Variants in PPP1R2B observed in about 807,000 individuals in gnomAD.
PPP1R2B encodes the protein PPP1R2 family member B, also known as protein phosphatase inhibitor 2 family member B.
In PPP1R2B, 13 loss-of-function variants were observed where a neutral mutation model predicts 17.6. That is an observed-to-expected ratio of 0.74 (90% CI 0.48 to 1.17). PPP1R2B has a LOEUF of 1.17. PPP1R2B is among the 50% of genes most tolerant of loss of function. The pLI, the probability that PPP1R2B is intolerant of heterozygous loss-of-function variation, is 0.00. For synonymous variants in PPP1R2B, 105 were observed against 95.4 expected (o/e 1.10, Z -0.59); for missense variants, 230 against 252.4 (o/e 0.91, Z 0.60).
rs1186844792 is a variant in PPP1R2B at position 156,851,979 on chromosome 5, CCTG to C, written c.*802_*804del. On this transcript the variant is annotated 3_prime_UTR_variant, in exon 1 of 1. Coordinates refer to ENST00000522232, the MANE Select transcript of PPP1R2B (RefSeq NM_206858.3). ...TCCCTTTAAATACCTGTCTTAACCT[CCTG>C]CTTTTATTTCCTACTCCTTTCCACA... 6.6e-6 allele frequency: 1 copy of C among 152,464 alleles called. No homozygotes were observed. The highest frequency in any genetic ancestry group is 1.9e-4 in the East Asian group (1 of 5,194). 9.4% of individuals were successfully genotyped at this position (152,464 alleles called of 1,614,324 possible). A position where few individuals can be genotyped will look rare whatever the true frequency, so the allele number is the denominator to read the frequency against.
chr5:156,850,394 G>A lies in PPP1R2B; in HGVS notation c.-169G>A, dbSNP rs1307903899. ...CCCATTCGGCGTTGGCTCTGGCGTC[G>A]GGGTCGTTGTGACAACCGCTCCAGT... On this transcript the variant is annotated 5_prime_UTR_variant, in exon 1 of 1. Transcript: ENST00000522232. 5 of 780,676 alleles carry A rather than the reference G, an allele frequency of 6.4e-6. No homozygotes were observed. Among genetic ancestry groups the A allele is most frequent in the Non-Finnish European group, 1.0e-5 (5 of 497,264 alleles). The allele number at this position is 780,676 out of a possible 1,614,324, so 48.4% of individuals were successfully genotyped here.
In PPP1R2B at chr5:156,850,472, G is replaced by C. The variant is rs898821568; in HGVS notation, c.-91G>C. The stretch of plus-strand genomic sequence containing the variant: ...CGCTTTAGCCCTGAGCGGGCTCTGC[G>C]GCTGCCTGCGAGTCTCTGCTGTGCC... On this transcript the variant is annotated 5_prime_UTR_variant, in exon 1 of 1. Coordinates refer to ENST00000522232, the MANE Select transcript of PPP1R2B (RefSeq NM_206858.3). 2 of 1,475,640 alleles carry C rather than the reference G, an allele frequency of 1.4e-6. No individual in the cohort carries two copies. Among genetic ancestry groups the C allele is most frequent in the East Asian group, 4.9e-5 (2 of 40,496 alleles). The allele number at this position is 1,475,640 out of a possible 1,614,324, so 91.4% of individuals were successfully genotyped here. A position where few individuals can be genotyped will look rare whatever the true frequency, so the allele number is the denominator to read the frequency against.
rs540801993 is a variant in PPP1R2B at position 156,850,376 on chromosome 5, G to A, written c.-187G>A. ...GTGCGCGAGGAGCCGCCACCCATTCGGCGTTGGCTCTGGCGTCGGGGTCGT... is the reference window on the plus strand; with the variant it reads ...GTGCGCGAGGAGCCGCCACCCATTCAGCGTTGGCTCTGGCGTCGGGGTCGT... On this transcript the variant is annotated 5_prime_UTR_variant, in exon 1 of 1. Coordinates refer to ENST00000522232, the MANE Select transcript of PPP1R2B (RefSeq NM_206858.3). 1.1e-4 allele frequency among the ~76,000 whole-genome samples: 17 copies of A among 152,032 alleles called. No individual in the cohort carries two copies. The East Asian group carries it at 3.1e-3, about 28-fold the overall frequency.
Position 156,850,798 on chromosome 5 carries a change from T to G in PPP1R2B, c.236T>G (p.Met79Arg). 1 of 1,500,640 alleles carries G rather than the reference T, an allele frequency of 6.7e-7. No homozygotes were observed. 93.0% of individuals were successfully genotyped at this position (1,500,640 alleles called of 1,614,324 possible). A position where few individuals can be genotyped will look rare whatever the true frequency, so the allele number is the denominator to read the frequency against. Residue 79 changes from methionine (M) to arginine (R), a missense_variant, in exon 1 of 1, where the codon ATG becomes AGG. By Grantham distance (91) the Met-to-Arg change is moderately conservative. Transcript: ENST00000522232. ...CCAAGCCCTCCTTACCATAGTATGA[T>G]GGGTGATGATGAAGATGCGTGTAGG... ...DEPSPPYHSM[M>R]GDDEDACRDT...
Position 156,851,881 on chromosome 5 carries a change from G to C in PPP1R2B, c.*701G>C, listed in dbSNP as rs1014250339. On this transcript the variant is annotated 3_prime_UTR_variant, in exon 1 of 1. Coordinates refer to ENST00000522232, the MANE Select transcript of PPP1R2B (RefSeq NM_206858.3). ...GGTTTGTTTGTTTTTGTTTTTTAATGTTTTTGGTACACTGGGCAGACTTCA... is the reference window on the plus strand; with the variant it reads ...GGTTTGTTTGTTTTTGTTTTTTAATCTTTTTGGTACACTGGGCAGACTTCA... 1.3e-5 allele frequency: 2 copies of C among 152,614 alleles called. No individual in the cohort carries two copies. Among genetic ancestry groups the C allele is most frequent in the Admixed American group, 6.5e-5 (1 of 15,280 alleles). 9.5% of individuals were successfully genotyped at this position (152,614 alleles called of 1,614,324 possible).
Position 156,850,428 on chromosome 5 carries a change from C to G in PPP1R2B, c.-135C>G, listed in dbSNP as rs1479659356. ...GTGACAACCGCTCCAGTAGCCGTTT[C>G]CGAGGCAGCAGGTGCGGCCGCTTTA... On this transcript the variant is annotated 5_prime_UTR_variant, in exon 1 of 1. Transcript: ENST00000522232. The G allele has an allele frequency of 5.4e-6, 6 of 1,111,714 alleles. No homozygotes were observed. Among genetic ancestry groups the G allele is most frequent in the Non-Finnish European group, 7.6e-6 (6 of 791,656 alleles). 68.9% of individuals were successfully genotyped at this position (1,111,714 alleles called of 1,614,324 possible).
In PPP1R2B at chr5:156,850,452, T is replaced by C; in HGVS notation, c.-111T>C. 1 of 1,354,902 alleles carries C rather than the reference T, an allele frequency of 7.4e-7. No homozygotes were observed. Among genetic ancestry groups the C allele is most frequent in the Non-Finnish European group, 1.0e-6 (1 of 999,958 alleles). 83.9% of individuals were successfully genotyped at this position (1,354,902 alleles called of 1,614,324 possible). On this transcript the variant is annotated 5_prime_UTR_variant, in exon 1 of 1. Transcript: ENST00000522232. ...TCCGAGGCAGCAGGTGCGGCCGCTT[T>C]AGCCCTGAGCGGGCTCTGCGGCTGC... is the stretch of plus-strand genomic sequence containing the variant.
In PPP1R2B at chr5:156,850,443, C is replaced by A. The variant is rs1471635123; in HGVS notation, c.-120C>A. The A allele has an allele frequency of 7.2e-6, 9 of 1,255,790 alleles. No homozygotes were observed. Among genetic ancestry groups the A allele is most frequent in the Non-Finnish European group, 9.8e-6 (9 of 919,582 alleles). 77.8% of individuals were successfully genotyped at this position (1,255,790 alleles called of 1,614,324 possible). A position where few individuals can be genotyped will look rare whatever the true frequency, so the allele number is the denominator to read the frequency against. On this transcript the variant is annotated 5_prime_UTR_variant, in exon 1 of 1. An upstream open reading frame in the 5' UTR gains an earlier in-frame stop. Transcript: ENST00000522232. ...GTAGCCGTTTCCGAGGCAGCAGGTG[C>A]GGCCGCTTTAGCCCTGAGCGGGCTC...
At position 156,850,419 on chromosome 5, in the gene PPP1R2B, T is replaced by C; in HGVS notation, c.-144T>C. 9 of 1,008,560 alleles carry C rather than the reference T, an allele frequency of 8.9e-6. No homozygotes were observed. Among genetic ancestry groups the C allele is most frequent in the South Asian group, 1.7e-5 (1 of 58,764 alleles). The allele number at this position is 1,008,560 out of a possible 1,614,324, so 62.5% of individuals were successfully genotyped here. A position where few individuals can be genotyped will look rare whatever the true frequency, so the allele number is the denominator to read the frequency against. Reference sequence around the variant, plus strand: ...GGGGTCGTTGTGACAACCGCTCCAGTAGCCGTTTCCGAGGCAGCAGGTGCG... The same window carrying C: ...GGGGTCGTTGTGACAACCGCTCCAGCAGCCGTTTCCGAGGCAGCAGGTGCG... On this transcript the variant is annotated 5_prime_UTR_variant, in exon 1 of 1. Transcript: ENST00000522232.
rs1202445870 is a variant in PPP1R2B at position 156,851,504 on chromosome 5, G to A, written c.*324G>A. 9 of 352,416 alleles carry A rather than the reference G, an allele frequency of 2.6e-5. No homozygotes were observed. Among genetic ancestry groups the A allele is most frequent in the African/African-American group, 6.4e-5 (3 of 47,130 alleles). 21.8% of individuals were successfully genotyped at this position (352,416 alleles called of 1,614,324 possible). A position where few individuals can be genotyped will look rare whatever the true frequency, so the allele number is the denominator to read the frequency against. On this transcript the variant is annotated 3_prime_UTR_variant, in exon 1 of 1. Coordinates refer to ENST00000522232, the MANE Select transcript of PPP1R2B (RefSeq NM_206858.3). ...CTTTAGAAGTTAAGCAATATCTTTGGGGGGGAACTAATTTATTTTCATCAC... is the reference window on the plus strand; with the variant it reads ...CTTTAGAAGTTAAGCAATATCTTTGAGGGGGAACTAATTTATTTTCATCAC...
rs755574744 is a variant in PPP1R2B at position 156,850,846 on chromosome 5, T to TGGCGCCAGACATCCTA, written c.286_301dup (p.Ala101GlyfsTer13). 3 of 1,554,568 alleles carry TGGCGCCAGACATCCTA rather than the reference T, an allele frequency of 1.9e-6. No individual in the cohort carries two copies. Among genetic ancestry groups the TGGCGCCAGACATCCTA allele is most frequent in the Non-Finnish European group, 1.8e-6 (2 of 1,128,986 alleles). Reference sequence around the variant, plus strand: ...AGGGACACCGAGACCACTGAAGCCATGGCGCCAGACATCCTAGCCAAGAAA... The same window carrying TGGCGCCAGACATCCTA: ...AGGGACACCGAGACCACTGAAGCCATGGCGCCAGACATCCTAGGCGCCAGACATCCTAGCCAAGAAA... On this transcript the variant is annotated frameshift_variant, in exon 1 of 1. Transcript: ENST00000522232. LOFTEE classifies it high-confidence loss of function.
In PPP1R2B at chr5:156,851,664, G is replaced by T. The variant is rs1312731766; in HGVS notation, c.*484G>T. On this transcript the variant is annotated 3_prime_UTR_variant, in exon 1 of 1. Transcript: ENST00000522232. Reference sequence around the variant, plus strand: ...TTAACACTTCTCTTCAACTTGATTTGTCTGTTTAATTGAAAAGAATTGTAA... The same window carrying T: ...TTAACACTTCTCTTCAACTTGATTTTTCTGTTTAATTGAAAAGAATTGTAA... The T allele has an allele frequency of 1.3e-5, 2 of 157,486 alleles. No homozygotes were observed. Among genetic ancestry groups the T allele is most frequent in the Non-Finnish European group, 2.8e-5 (2 of 71,554 alleles). The allele number at this position is 157,486 out of a possible 1,614,324, so 9.8% of individuals were successfully genotyped here.
Position 156,850,803 on chromosome 5 carries a change from G to A in PPP1R2B, c.241G>A (p.Asp81Asn), listed in dbSNP as rs1227748902. ...CCCTCCTTACCATAGTATGATGGGT[G>A]ATGATGAAGATGCGTGTAGGGACAC... ...PSPPYHSMMG[D>N]DEDACRDTET... The change falls in exon 1 of 1, where the codon GAT (aspartate) becomes AAT (asparagine). Residue 81 changes from aspartate to asparagine, a missense_variant. Transcript: ENST00000522232. 7.3e-6 allele frequency: 11 copies of A among 1,497,386 alleles called. No homozygotes were observed. Among genetic ancestry groups the A allele is most frequent in the Non-Finnish European group, 1.0e-5 (11 of 1,074,058 alleles). 92.8% of individuals were successfully genotyped at this position (1,497,386 alleles called of 1,614,324 possible). A position where few individuals can be genotyped will look rare whatever the true frequency, so the allele number is the denominator to read the frequency against.
rs547975886 is a variant in PPP1R2B at position 156,851,992 on chromosome 5, C to T, written c.*812C>T. On this transcript the variant is annotated 3_prime_UTR_variant, in exon 1 of 1. Coordinates refer to ENST00000522232, the MANE Select transcript of PPP1R2B (RefSeq NM_206858.3). ...CTGTCTTAACCTCCTGCTTTTATTT[C>T]CTACTCCTTTCCACACATACACACA... The T allele has an allele frequency of 1.3e-5, 2 of 152,574 alleles. No homozygotes were observed. The highest frequency in any genetic ancestry group is 3.9e-4 in the East Asian group (2 of 5,190). 9.5% of individuals were successfully genotyped at this position (152,574 alleles called of 1,614,324 possible).
In PPP1R2B at chr5:156,851,364, T is replaced by C; in HGVS notation, c.*184T>C. The C allele has an allele frequency of 1.6e-6, 1 of 624,008 alleles. No homozygotes were observed. The highest frequency in any genetic ancestry group is 2.0e-5 in the South Asian group (1 of 50,456). 38.7% of individuals were successfully genotyped at this position (624,008 alleles called of 1,614,324 possible). The stretch of plus-strand genomic sequence containing the variant: ...ACTGAAAATGCCTAATTGATATATA[T>C]ATTCTTATGCCTAGTACTTTACCAC... On this transcript the variant is annotated 3_prime_UTR_variant, in exon 1 of 1. Transcript: ENST00000522232.
In PPP1R2B at chr5:156,850,328, G is replaced by A. The variant is rs1343429889; in HGVS notation, c.-235G>A. Among the ~76,000 whole-genome samples the A allele has an allele frequency of 4.2e-5, 6 of 142,408 alleles. No individual in the cohort carries two copies. The highest frequency in any genetic ancestry group is 2.6e-5 in the African/African-American group (1 of 39,002). The allele number at this position is 142,408 out of a possible 152,430, so 93.4% of individuals were successfully genotyped here. On this transcript the variant is annotated 5_prime_UTR_variant, in exon 1 of 1. Transcript: ENST00000522232. The stretch of plus-strand genomic sequence containing the variant: ...AGGCCGGCATCTCTCCGCGAGCCGC[G>A]GGTCAAGTGCCGGCGGCTAATGGTG...
chr5:156,850,489 T>C lies in PPP1R2B; in HGVS notation c.-74T>C. The C allele has an allele frequency of 3.9e-6, 6 of 1,534,622 alleles. No homozygotes were observed. Among genetic ancestry groups the C allele is most frequent in the Non-Finnish European group, 5.3e-6 (6 of 1,135,908 alleles). ...GGCTCTGCGGCTGCCTGCGAGTCTC[T>C]GCTGTGCCGACCCTTCTCTTCGCGG... is the stretch of plus-strand genomic sequence containing the variant. On this transcript the variant is annotated 5_prime_UTR_variant, in exon 1 of 1. Coordinates refer to ENST00000522232, the MANE Select transcript of PPP1R2B (RefSeq NM_206858.3).
chr5:156,850,806 G>C lies in PPP1R2B; in HGVS notation c.244G>C (p.Asp82His). The C allele has an allele frequency of 6.6e-7, 1 of 1,505,014 alleles. No homozygotes were observed. The highest frequency in any genetic ancestry group is 9.3e-7 in the Non-Finnish European group (1 of 1,081,006). 93.2% of individuals were successfully genotyped at this position (1,505,014 alleles called of 1,614,324 possible). ...TCCTTACCATAGTATGATGGGTGAT[G>C]ATGAAGATGCGTGTAGGGACACCGA... ...SPPYHSMMGD[D>H]EDACRDTETT... The change falls in exon 1 of 1, where the codon GAT (aspartate) becomes CAT (histidine). Residue 82 changes from aspartate (D) to histidine (H), a missense_variant. By Grantham distance (81) the Asp-to-His change is moderately conservative. Transcript: ENST00000522232.
rs766301661 is a variant in PPP1R2B, at chr5:156,850,850, G to A, written c.288G>A (p.Ala96=). Residue 96 remains alanine, a synonymous_variant, in exon 1 of 1, where the codon GCG becomes GCA. Coordinates refer to ENST00000522232, the MANE Select transcript of PPP1R2B (RefSeq NM_206858.3). ...CRDTETTEAM[A]PDILAKKLAA... ...ACACCGAGACCACTGAAGCCATGGC[G>A]CCAGACATCCTAGCCAAGAAATTAG... 11 of 1,565,620 alleles carry A rather than the reference G, an allele frequency of 7.0e-6. No individual in the cohort carries two copies. The highest frequency in any genetic ancestry group is 2.2e-5 in the East Asian group (1 of 44,512).
Sources: allele counts gnomAD v4.1 joint callset (sites outside exome capture counted in the v4.1 genomes callset), GRCh38; gene constraint gnomAD v4.1.1; transcripts MANE v1.5; gene names NCBI Gene and HGNC (gene_info 2026-07-23, HGNC 2026-07-21).